Variants in IQSEC1 observed in about 807,000 individuals in gnomAD.
IQSEC1 encodes IQ motif and SEC7 domain-containing protein 1.
In IQSEC1, 31 loss-of-function variants were observed where a neutral mutation model predicts 91.0. The observed-to-expected ratio is 0.34, with a 90% CI of 0.26 to 0.46. The LOEUF is 0.46. Among genes scored for constraint, IQSEC1 ranks in the 20% least tolerant of loss-of-function variants. The pLI is 1.00. For synonymous variants in IQSEC1, 699 were observed against 662.6 expected, an observed-to-expected ratio of 1.05 and a Z score of -0.84; for missense variants, 1,388 against 1,575.6, an observed-to-expected ratio of 0.88 and a Z score of 2.02.
intron 1 of IQSEC1, among the ~76,000 whole-genome samples, chr3:13,187,860 T>A (rs1350419613): frequency 3.3e-5 from 5 of 152,160 alleles, no homozygotes; most frequent in Non-Finnish European, 7.4e-5. Context: ...TAACCTCCCA[T>A]GGCAGAAAGG....
chr3:12,969,831 G>C (rs1223155901), intron 1 of IQSEC1, among the ~76,000 whole-genome samples: 2 of 152,240 alleles, frequency 1.3e-5, no homozygotes, highest in Non-Finnish European at 2.9e-5. Flanking sequence ...TGGAATACCA[G>C]ATGATGGACA....
intron 2 of IQSEC1, among the ~76,000 whole-genome samples, chr3:13,121,198 T>C (rs1404267367): frequency 6.6e-6 from 1 of 152,222 alleles, no homozygotes; most frequent in Non-Finnish European, 1.5e-5. Flanking sequence ...CACCTCTGCC[T>C]GAGTCATCGT....
intron 1 of IQSEC1, among the ~76,000 whole-genome samples, chr3:12,993,429 C>T (rs1365929143): frequency 1.6e-5 from 2 of 127,338 alleles, no homozygotes; most frequent in Non-Finnish European, 3.3e-5. Flanking sequence ...GACGCGGTGG[C>T]GGGATTTCTC....
At chr3:13,026,596 C>T (rs188221504) in intron 1 of IQSEC1, among the ~76,000 whole-genome samples, 10 of 152,342 alleles carry the variant, frequency 6.6e-5, no homozygotes, top group Admixed American at 6.5e-4. Flanking sequence ...AACGATTTCC[C>T]ACAGTGGGCT....
chr3:13,096,228 G>T (rs1055837431), intron 2 of IQSEC1, among the ~76,000 whole-genome samples: 1 of 152,194 alleles, frequency 6.6e-6, no homozygotes, highest in Non-Finnish European at 1.5e-5. Flanking sequence ...GATCTGACCT[G>T]GGCAGTGGGA....
upstream of IQSEC1, among the ~76,000 whole-genome samples, chr3:13,077,658 C>T (rs1172355809): frequency 6.6e-6 from 1 of 152,206 alleles, no homozygotes; most frequent in Non-Finnish European, 1.5e-5. Flanking sequence ...GCCCTCCTAA[C>T]ATCTCTGCCC....
intron 3 of IQSEC1, among the ~76,000 whole-genome samples, chr3:12,927,740 C>G (rs561902422): frequency 6.6e-6 from 1 of 152,380 alleles, no homozygotes; most frequent in African/African-American, 2.4e-5. Context: ...TTGGTGAACA[C>G]TGGCTGGGAG....
At chr3:13,072,246 C>A (rs1338235988) in intron 1 of IQSEC1, among the ~76,000 whole-genome samples, 1 of 152,204 alleles carries the variant, frequency 6.6e-6, no homozygotes, top group African/African-American at 2.4e-5. Flanking sequence ...GCCGAGGGTC[C>A]CAGAGGAGGG....
At chr3:13,185,609 T>C (rs938376965) in intron 1 of IQSEC1, among the ~76,000 whole-genome samples, 3 of 152,204 alleles carry the variant, frequency 2.0e-5, no homozygotes, top group African/African-American at 4.8e-5. Context: ...AGACAGCCCA[T>C]TCCAGGAGAG....
intron 1 of IQSEC1, among the ~76,000 whole-genome samples, chr3:12,996,733 A>C (rs1576137235): frequency 6.6e-6 from 1 of 152,254 alleles, no homozygotes; most frequent in East Asian, 1.9e-4. Context: ...AAAGATGACT[A>C]ACCCATTAGA....
chr3:12,915,275 T>G, intron 7 of IQSEC1, 142 bp from the exon 8 acceptor site: 1 of 1,004,886 alleles, frequency 1.0e-6, no homozygotes, highest in Non-Finnish European at 1.5e-6. Flanking sequence ...CTGGCAGAGC[T>G]CTCTGAGGGG....
intron 2 of IQSEC1, among the ~76,000 whole-genome samples, chr3:13,146,390 A>G (rs1706898847): frequency 1.3e-5 from 2 of 151,838 alleles, no homozygotes; most frequent in Admixed American, 1.3e-4. Flanking sequence ...GTGCCTCCGC[A>G]CCCTTCTGTC....
chr3:13,187,933 C>A (rs1245858933), intron 1 of IQSEC1, among the ~76,000 whole-genome samples: 1 of 152,202 alleles, frequency 6.6e-6, no homozygotes, highest in African/African-American at 2.4e-5. Context: ...GGTCTCCACC[C>A]AAGACCTGAT....
chr3:13,201,733 T>C (rs996004675), intron 1 of IQSEC1, among the ~76,000 whole-genome samples: 3 of 152,172 alleles, frequency 2.0e-5, no homozygotes, highest in African/African-American at 4.8e-5. Context: ...CACTACATTT[T>C]CCCCCATGAT....
At chr3:13,212,415 ATTCATCAAC>A (rs1237169022) in intron 1 of IQSEC1, among the ~76,000 whole-genome samples, 1 of 152,222 alleles carries the variant, frequency 6.6e-6, no homozygotes. Flanking sequence ...CAGTGTGTTC[ATTCATCAAC>A]TGACGGACAT....
Position 13,123,798 on chromosome 3 carries a change from C to T in IQSEC1, c.302+40306G>A, listed in dbSNP as rs547095455. Among the ~76,000 whole-genome samples the T allele has an allele frequency of 3.3e-5, 5 of 152,348 alleles. No individual in the cohort carries two copies. The East Asian group carries it at 9.6e-4, about 29-fold the overall frequency. ...GCCCAACCCAGAGCCCTGCGCTGAC[C>T]TGCAGCCTCCTGTCACTGCTCAGCT... On this transcript the variant is annotated intron_variant, in intron 2 of 15. Coordinates refer to the IQSEC1 transcript ENST00000648114.
At chr3:13,155,088 C>T (rs1283469413) in intron 2 of IQSEC1, among the ~76,000 whole-genome samples, 3 of 152,008 alleles carry the variant, frequency 2.0e-5, no homozygotes, top group African/African-American at 7.2e-5. Context: ...AAGAAACAAA[C>T]AAAGTAAACC....
In IQSEC1 at chr3:13,143,862, G is replaced by T. The variant is rs367754908; in HGVS notation, c.302+20242C>A. Reference sequence around the variant, plus strand: ...CCAGATGCAGCCTTGCCTGATGCCAGCTGCCCTTAGATTTTTTAGTTGCAT... The same window carrying T: ...CCAGATGCAGCCTTGCCTGATGCCATCTGCCCTTAGATTTTTTAGTTGCAT... On this transcript the variant is annotated intron_variant, in intron 2 of 15. Transcript: ENST00000648114. Among the ~76,000 whole-genome samples, 216 of 152,338 alleles carry T rather than the reference G, an allele frequency of 1.4e-3. No homozygotes were observed. The Middle Eastern group carries it at 0.02, about 14-fold the overall frequency.
At chr3:13,095,834 C>G (rs1187882312) in intron 2 of IQSEC1, among the ~76,000 whole-genome samples, 3 of 152,174 alleles carry the variant, frequency 2.0e-5, no homozygotes. Context: ...AAGCGCTGAG[C>G]CAGCTGCAGA....
Sources: gnomAD v4.1 joint callset for allele counts (sites outside exome capture counted in the v4.1 genomes callset) on GRCh38, gnomAD v4.1.1 for gene constraint, MANE v1.5 for transcripts, NCBI Gene and HGNC (gene_info 2026-07-23, HGNC 2026-07-21) for gene names.